Variants in GTF2IRD2B observed in about 807,000 individuals in gnomAD.
The protein encoded by GTF2IRD2B is general transcription factor II-I repeat domain-containing protein 2B.
Under a neutral mutation model 55.6 loss-of-function variants are expected in GTF2IRD2B, and 10 were observed. The observed-to-expected ratio is 0.18, with a 90% CI of 0.11 to 0.31. GTF2IRD2B has a LOEUF of 0.31. Among genes scored for constraint, GTF2IRD2B ranks in the 10% least tolerant of loss-of-function variants. The pLI, the probability that GTF2IRD2B is intolerant of heterozygous loss-of-function variation, is 1.00. For synonymous variants in GTF2IRD2B, 107 were observed against 320.5 expected (o/e 0.33, Z 7.12); for missense variants, 206 against 802.7 (o/e 0.26, Z 8.98).
intron 3 of GTF2IRD2B, among the ~76,000 whole-genome samples, chr7:75,115,826 T>C (rs1406999045): frequency 4.6e-5 from 7 of 151,816 alleles, no homozygotes; most frequent in African/African-American, 1.7e-4. Flanking sequence ...TGGCTTTTGG[T>C]AGTACAGATA....
At position 75,123,041 on chromosome 7, in the gene GTF2IRD2B, C is replaced by G. The variant is rs587679591; in HGVS notation, c.359-95C>G. Reference sequence around the variant, plus strand: ...CTCCAGCCGGGGTGGCAGAGCGAGACTCTGTTTCTACAAAACAAAAAACAA... The same window carrying G: ...CTCCAGCCGGGGTGGCAGAGCGAGAGTCTGTTTCTACAAAACAAAAAACAA... On this transcript the variant is annotated intron_variant, in intron 4 of 15. Transcript: ENST00000472837. The G allele has an allele frequency of 4.7e-5, 73 of 1,565,688 alleles. No homozygotes were observed. In the Admixed American group the frequency reaches 1.2e-3, roughly 25 times the overall value.
intron 8 of GTF2IRD2B, among the ~76,000 whole-genome samples, chr7:75,129,964 C>T (rs1217296221): frequency 2.1e-5 from 3 of 140,884 alleles, no homozygotes; most frequent in South Asian, 4.7e-4. Context: ...CTTTATAAAG[C>T]GATATGGATT....
At chr7:75,132,772 C>T (rs1808707840) in intron 8 of GTF2IRD2B, among the ~76,000 whole-genome samples, 1 of 148,312 alleles carries the variant, frequency 6.7e-6, no homozygotes, top group Non-Finnish European at 1.5e-5. Context: ...AGGTTGGTCT[C>T]AAACTCCTGA....
chr7:75,120,472 G>GAGTT (rs1239798009), intron 3 of GTF2IRD2B, among the ~76,000 whole-genome samples: 2 of 44,194 alleles, frequency 4.5e-5, no homozygotes, highest in African/African-American at 2.0e-4. Flanking sequence ...TTGAGGCCAG[G>GAGTT]AGTTAGAGGC....
At chr7:75,146,017 ATTTTTTTTT>A (rs587651504) in intron 15 of GTF2IRD2B, among the ~76,000 whole-genome samples, 1 of 56,106 alleles carries the variant, frequency 1.8e-5, no homozygotes, top group Non-Finnish European at 3.2e-5. Context: ...TGCCCAGATA[ATTTTTTTTT>A]TTTTTTTTTT....
At chr7:75,120,777 T>G (rs1554451841) in intron 3 of GTF2IRD2B, 114 bp from the exon 4 acceptor site, 1 of 1,536,740 alleles carries the variant, frequency 6.5e-7, no homozygotes. Flanking sequence ...TAAAAGATCT[T>G]GTTTTATATT....
At chr7:75,147,211 T>C (rs1483776849) in intron 15 of GTF2IRD2B, among the ~76,000 whole-genome samples, 1 of 151,810 alleles carries the variant, frequency 6.6e-6, no homozygotes, top group Non-Finnish European at 1.5e-5. Flanking sequence ...GGTGGGCGGA[T>C]CACCTGAGGT....
chr7:75,105,920 T>C (rs1257622248), intron 1 of GTF2IRD2B, among the ~76,000 whole-genome samples: 5 of 152,304 alleles, frequency 3.3e-5, no homozygotes, highest in African/African-American at 9.6e-5. Context: ...ATATGGAAAG[T>C]TCCCGGTGAC....
In GTF2IRD2B at chr7:75,112,641, G is replaced by A. The variant is rs1419652150; in HGVS notation, c.238+106G>A. On this transcript the variant is annotated intron_variant, in intron 3 of 15. Coordinates refer to ENST00000472837, the MANE Select transcript of GTF2IRD2B (RefSeq NM_001003795.3). ...CTATCATAAGCATTCTCCTAGAAAC[G>A]ATCCTAACACATCTTCTTGGATTCA... 13 of 1,543,004 alleles carry A rather than the reference G, an allele frequency of 8.4e-6. 1 individual carries two copies. Among genetic ancestry groups the A allele is most frequent in the Middle Eastern group, 2.3e-4 (1 of 4,300 alleles).
intron 1 of GTF2IRD2B, chr7:75,093,898 GA>G (rs1168391165): frequency 5.9e-5 from 7 of 117,832 alleles, no homozygotes; most frequent in African/African-American, 1.0e-4. Flanking sequence ...GTGTTTTAAG[GA>G]AAAAAAAATC....
intron 8 of GTF2IRD2B, among the ~76,000 whole-genome samples, chr7:75,130,330 G>A (rs1343123661): frequency 9.2e-5 from 4 of 43,642 alleles, no homozygotes; most frequent in Non-Finnish European, 1.5e-4. Context: ...GGTGCACGCC[G>A]TCACACCTGG....
At chr7:75,146,015 T>A in intron 15 of GTF2IRD2B, among the ~76,000 whole-genome samples, 1 of 86,276 alleles carries the variant, frequency 1.2e-5, no homozygotes, top group African/African-American at 6.0e-5. Flanking sequence ...CATGCCCAGA[T>A]AATTTTTTTT....
At chr7:75,124,201 C>G (rs1554452301) in intron 6 of GTF2IRD2B, among the ~76,000 whole-genome samples, 1 of 151,874 alleles carries the variant, frequency 6.6e-6, no homozygotes, top group African/African-American at 2.4e-5. Flanking sequence ...AACCCCATCC[C>G]TACTAAAAAT....
At chr7:75,096,598 G>T (rs1309165622) in intron 1 of GTF2IRD2B, among the ~76,000 whole-genome samples, 80 of 91,828 alleles carry the variant, frequency 8.7e-4, no homozygotes, top group Non-Finnish European at 7.0e-4. Flanking sequence ...CTTTTTTTTT[G>T]GATTTTTAGT....
At chr7:75,112,206 C>A (rs1394516878) in intron 2 of GTF2IRD2B, among the ~76,000 whole-genome samples, 191 bp from the exon 3 acceptor site, 6 of 7,942 alleles carry the variant, frequency 7.6e-4, no homozygotes, top group African/African-American at 1.5e-3. Flanking sequence ...GGAGGCGGAG[C>A]TTGCAGTGAG....
At chr7:75,105,771 G>C (rs1177860852) in intron 1 of GTF2IRD2B, among the ~76,000 whole-genome samples, 3 of 152,308 alleles carry the variant, frequency 2.0e-5, no homozygotes, top group Non-Finnish European at 2.9e-5. Flanking sequence ...GGTGTGCTGG[G>C]TTGCAAACGA....
At chr7:75,106,477 C>G (rs1177699152) in intron 1 of GTF2IRD2B, among the ~76,000 whole-genome samples, 2 of 147,626 alleles carry the variant, frequency 1.4e-5, no homozygotes, top group African/African-American at 5.0e-5. Context: ...TAGAATTAAG[C>G]CAAATATTGG....
At chr7:75,119,050 C>G (rs1333836952) in intron 3 of GTF2IRD2B, among the ~76,000 whole-genome samples, 1 of 140,228 alleles carries the variant, frequency 7.1e-6, no homozygotes, top group African/African-American at 2.7e-5. Flanking sequence ...AAAAGTTAGC[C>G]GGGGGCGGTG....
Position 75,148,114 on chromosome 7 carries a change from A to T in GTF2IRD2B, c.1667A>T (p.Asp556Val), listed in dbSNP as rs782218094. 120 of 1,612,424 alleles carry T rather than the reference A, an allele frequency of 7.4e-5. No homozygotes were observed. The highest frequency in any genetic ancestry group is 9.4e-5 in the Non-Finnish European group (111 of 1,179,158). Residue 556 changes from aspartate to valine, a missense_variant, in exon 16 of 16, where the codon GAT becomes GTT. Asp to Val is a radical substitution (Grantham distance 152). Coordinates refer to ENST00000472837, the MANE Select transcript of GTF2IRD2B (RefSeq NM_001003795.3). ...AYSIAIDEIT[D>V]INNTTQLAIF... ...TCTATCGCAATCGATGAGATCACGG[A>T]TATAAATAATACCACCCAGTTGGCC...
Sources: gnomAD v4.1 joint callset for allele counts (sites outside exome capture counted in the v4.1 genomes callset) on GRCh38, gnomAD v4.1.1 for gene constraint, MANE v1.5 for transcripts, NCBI Gene and HGNC (gene_info 2026-07-23, HGNC 2026-07-21) for gene names.